The following ATP2B2 variants were observed in gnomAD, a reference collection of about 807,000 sequenced individuals.
ATP2B2 encodes the protein ATPase plasma membrane Ca2+ transporting 2.
A neutral mutation model predicts 120.0 loss-of-function variants in ATP2B2; 15 were observed. That is an observed-to-expected ratio of 0.12 (90% CI 0.08 to 0.19). The LOEUF (loss-of-function observed/expected upper bound fraction) is 0.19, where lower values mean the gene tolerates loss of function less well. ATP2B2 is among the 10% of genes least tolerant of loss of function. ATP2B2 has a pLI of 1.00. For missense variants in ATP2B2, 1,045 were observed against 1,719.8 expected, an observed-to-expected ratio of 0.61 and a Z score of 6.94; for synonymous variants, 694 against 700.3, an observed-to-expected ratio of 0.99 and a Z score of 0.14.
Position 10,329,378 on chromosome 3 carries a change from C to T in ATP2B2, c.3421-253G>A, listed in dbSNP as rs955443215. On this transcript the variant is annotated intron_variant, in intron 22 of 22. Transcript: ENST00000360273. The surrounding 1 kb of genome is among the most constrained non-coding windows in gnomAD (Gnocchi z 5.9). ...CTAGTGTTAGGACAGGAGGAATCAC[C>T]AAGCACCATCAAAGAGATGATGGGG... is the stretch of plus-strand genomic sequence containing the variant. Among the ~76,000 whole-genome samples the T allele has an allele frequency of 6.6e-6, 1 of 151,966 alleles. No individual in the cohort carries two copies. Among genetic ancestry groups the T allele is most frequent in the African/African-American group, 2.4e-5 (1 of 41,344 alleles).
At chr3:10,512,475 C>CAG (rs1559431426) in intron 3 of ATP2B2, among the ~76,000 whole-genome samples, 4,059 of 70,602 alleles carry the variant, frequency 0.057, 89 homozygotes, top group Middle Eastern at 0.13. Context: ...CACACACACA[C>CAG]ACACACACAC....
At chr3:10,426,906 T>C (rs1159830757) in intron 2 of ATP2B2, among the ~76,000 whole-genome samples, 2 of 151,932 alleles carry the variant, frequency 1.3e-5, no homozygotes, top group East Asian at 3.9e-4. Context: ...GAGATGGTGA[T>C]GAAGCAAATC....
At chr3:10,365,320 TTG>T (rs1357924954) in intron 12 of ATP2B2, among the ~76,000 whole-genome samples, 1 of 152,176 alleles carries the variant, frequency 6.6e-6, no homozygotes, top group Non-Finnish European at 1.5e-5. Context: ...ATGAATAATT[TTG>T]TGTTTGTGTG....
chr3:10,400,382 G>A (rs973590817), intron 5 of ATP2B2, among the ~76,000 whole-genome samples: 2 of 152,210 alleles, frequency 1.3e-5, no homozygotes, highest in African/African-American at 4.8e-5. Context: ...TCTGCCTGGT[G>A]TGTTCTTCCT....
chr3:10,633,990 C>T (rs1277454042), intron 1 of ATP2B2, among the ~76,000 whole-genome samples: 7 of 152,250 alleles, frequency 4.6e-5, no homozygotes, highest in East Asian at 1.9e-4. Context: ...AATGCCCCAC[C>T]GCCCAACCCG....
chr3:10,644,444 A>G (rs937009033), intron 1 of ATP2B2, among the ~76,000 whole-genome samples: 7 of 152,232 alleles, frequency 4.6e-5, no homozygotes, highest in Non-Finnish European at 1.0e-4. Context: ...AGGGACTCAA[A>G]CAAATATAGA....
chr3:10,676,408 T>C (rs963127481), intron 1 of ATP2B2, among the ~76,000 whole-genome samples: 1 of 151,922 alleles, frequency 6.6e-6, no homozygotes, highest in Non-Finnish European at 1.5e-5. Flanking sequence ...GGCAGCTGGG[T>C]GATGCAAGGA....
chr3:10,367,319 C>G (rs2061091647), intron 12 of ATP2B2, among the ~76,000 whole-genome samples: 1 of 151,936 alleles, frequency 6.6e-6, no homozygotes, highest in Non-Finnish European at 1.5e-5. Context: ...CTGGGCCCAG[C>G]TCTGCCACTT....
At chr3:10,708,107 A>C (rs1245105649), upstream of ATP2B2, 5 of 121,536 alleles carry the variant, frequency 4.1e-5, no homozygotes, top group Non-Finnish European at 5.1e-5. Flanking sequence ...CCACCGCTGC[A>C]CTGCGCTCTG....
At chr3:10,353,595 T>G (rs931216847) in intron 14 of ATP2B2, among the ~76,000 whole-genome samples, 9 of 152,136 alleles carry the variant, frequency 5.9e-5, no homozygotes, top group Admixed American at 2.0e-4. Context: ...AGGGATATGC[T>G]CCTTCAGGCA....
intron 2 of ATP2B2, among the ~76,000 whole-genome samples, chr3:10,427,819 C>T (rs1164667911): frequency 6.6e-6 from 1 of 152,208 alleles, no homozygotes; most frequent in Admixed American, 6.5e-5. Context: ...CCTCTCCTAA[C>T]CATGTTTCCT....
chr3:10,535,641 G>A (rs2067298621), intron 2 of ATP2B2, among the ~76,000 whole-genome samples: 1 of 151,984 alleles, frequency 6.6e-6, no homozygotes, highest in Non-Finnish European at 1.5e-5. Context: ...TTTGGGACTG[G>A]CTTTTTTCAT....
intron 1 of ATP2B2, among the ~76,000 whole-genome samples, chr3:10,656,394 T>G (rs1040616552): frequency 2.0e-5 from 3 of 152,168 alleles, no homozygotes; most frequent in Non-Finnish European, 2.9e-5. Context: ...TCTGCAGATG[T>G]TGTATCTTTC....
At chr3:10,410,883 G>C in intron 2 of ATP2B2, 68 bp from the exon 3 acceptor site, 2 of 1,561,242 alleles carry the variant, frequency 1.3e-6, no homozygotes, top group Non-Finnish European at 1.8e-6. Context: ...TGGGAATCTA[G>C]GGGCAGAAAA....
intron 17 of ATP2B2, 122 bp downstream of exon 17, chr3:10,345,909 C>T (rs2060417774): frequency 1.0e-6 from 1 of 1,002,708 alleles, no homozygotes; most frequent in African/African-American, 1.6e-5. Flanking sequence ...GAAGGGTGGG[C>T]ACCCACGGCA....
chr3:10,454,125 A>G (rs1449151361), intron 1 of ATP2B2, among the ~76,000 whole-genome samples: 1 of 152,206 alleles, frequency 6.6e-6, no homozygotes, highest in Non-Finnish European at 1.5e-5. Flanking sequence ...CAGGCACTGA[A>G]CAATCCAGAG....
intron 8 of ATP2B2, among the ~76,000 whole-genome samples, chr3:10,384,398 G>T (rs2061613606): frequency 6.6e-6 from 1 of 152,218 alleles, no homozygotes; most frequent in Admixed American, 6.5e-5. Context: ...CAACAGTTCA[G>T]GAGTAGCCTG....
intron 1 of ATP2B2, among the ~76,000 whole-genome samples, chr3:10,621,528 G>A (rs918743455): frequency 2.6e-5 from 4 of 152,256 alleles, no homozygotes; most frequent in Non-Finnish European, 5.9e-5. Context: ...GGAGCTTGCA[G>A]CGGCCACACA....
chr3:10,644,792 T>C (rs781189865), intron 1 of ATP2B2, among the ~76,000 whole-genome samples: 8 of 152,148 alleles, frequency 5.3e-5, no homozygotes, highest in Admixed American at 2.6e-4. Context: ...TCTTTTGGGG[T>C]GATGGAAATG....
Sources: gnomAD v4.1 joint callset for allele counts (sites outside exome capture counted in the v4.1 genomes callset) on GRCh38, gnomAD v4.1.1 for gene constraint, Gnocchi (gnomAD v3.1) non-coding constraint, MANE v1.5 for transcripts, NCBI Gene and HGNC (gene_info 2026-07-23, HGNC 2026-07-21) for gene names.